Variants in MYOCD observed in about 807,000 individuals in gnomAD.
MYOCD encodes the protein myocardin.
Under a neutral mutation model 96.1 loss-of-function variants are expected in MYOCD, and 32 were observed. The ratio of observed to expected loss-of-function variants is 0.33; its 90% CI spans 0.25 to 0.45. MYOCD has a LOEUF of 0.45. MYOCD is among the 20% of genes least tolerant of loss of function. The pLI is 1.00. For missense variants in MYOCD, 1,133 were observed against 1,200.6 expected, an observed-to-expected ratio of 0.94 and a Z score of 0.83; for synonymous variants, 469 against 469.0, an observed-to-expected ratio of 1.00 and a Z score of 0.00.
At chr17:12,740,278 G>A (rs2032468629) in intron 7 of MYOCD, among the ~76,000 whole-genome samples, 1 of 152,144 alleles carries the variant, frequency 6.6e-6, no homozygotes, top group African/African-American at 2.4e-5. Context: ...CGTCACCTGA[G>A]CAGTGTACAC....
chr17:12,684,197 A>T (rs918879334), intron 1 of MYOCD, among the ~76,000 whole-genome samples: 4 of 151,308 alleles, frequency 2.6e-5, no homozygotes, highest in Non-Finnish European at 4.4e-5. Context: ...TCTTTTATTT[A>T]TTCCCAAGTG....
intron 9 of MYOCD, among the ~76,000 whole-genome samples, chr17:12,746,644 TAC>T (rs2032670451): frequency 1.3e-5 from 2 of 151,314 alleles, no homozygotes; most frequent in African/African-American, 4.9e-5. Context: ...TCCCTCTAGA[TAC>T]ACATGCTCAG....
chr17:12,763,350 A>C lies in MYOCD; in HGVS notation c.2667A>C (p.Gly889=). ...EEPHFDGIMD[G]FSGKAAEDLF... ...CTCACTTTGATGGGATAATGGATGG[A>C]TTCTCTGGGAAGGCTGCAGAAGACC... Residue 889 remains glycine, a synonymous_variant, in exon 14 of 14, where the codon GGA becomes GGC. Transcript: ENST00000425538. 6.2e-7 allele frequency: 1 copy of C among 1,600,448 alleles called. No homozygotes were observed. The highest frequency in any genetic ancestry group is 8.5e-7 in the Non-Finnish European group (1 of 1,173,362).
intron 2 of MYOCD, chr17:12,710,526 C>A (rs62058050): frequency 1.0e-6 from 1 of 984,898 alleles, no homozygotes; most frequent in African/African-American, 1.7e-5. Context: ...CACATACTTA[C>A]TGCAAAACCT....
At chr17:12,726,787 G>C (rs1255289588) in intron 5 of MYOCD, among the ~76,000 whole-genome samples, 6 of 152,216 alleles carry the variant, frequency 3.9e-5, no homozygotes, top group South Asian at 2.1e-4. Context: ...ATTTAAATAT[G>C]ATCATAATGA....
chr17:12,738,139 A>G (rs2032398355), intron 6 of MYOCD, among the ~76,000 whole-genome samples: 1 of 152,212 alleles, frequency 6.6e-6, no homozygotes. Flanking sequence ...GAGAACAAGC[A>G]CCGAACAATG....
In MYOCD at chr17:12,765,234, T is replaced by C. The variant is rs1433032878; in HGVS notation, c.*1590T>C. The C allele has an allele frequency of 6.6e-6, 1 of 152,118 alleles. No individual in the cohort carries two copies. The highest frequency in any genetic ancestry group is 2.4e-5 in the African/African-American group (1 of 41,416). 9.4% of individuals were successfully genotyped at this position (152,118 alleles called of 1,614,324 possible). ...GTGGCTCCAGTTCACCATTTTATAT[T>C]GTTGCATGCTGTAGAAAGGAGCTAT... On this transcript the variant is annotated 3_prime_UTR_variant, in exon 14 of 14. Transcript: ENST00000425538.
At chr17:12,687,138 G>A (rs979966427) in intron 1 of MYOCD, among the ~76,000 whole-genome samples, 4 of 152,014 alleles carry the variant, frequency 2.6e-5, no homozygotes, top group Admixed American at 2.0e-4. Flanking sequence ...GAGAGGTTTC[G>A]CTTTTGTTGT....
Position 12,763,230 on chromosome 17 carries a change from C to A in MYOCD, c.2547C>A (p.Thr849=), listed in dbSNP as rs1413811786. 1 of 1,614,106 alleles carries A rather than the reference C, an allele frequency of 6.2e-7. No individual in the cohort carries two copies. The highest frequency in any genetic ancestry group is 1.1e-5 in the South Asian group (1 of 91,068). The change falls in exon 14 of 14, where the codon ACC becomes ACA. Residue 849 remains threonine (T), a synonymous_variant. Coordinates refer to ENST00000425538, the MANE Select transcript of MYOCD (RefSeq NM_001146312.3). ...AGATCCCCTTTGATCCCTATGCCACCGACAGTGATGAGCATCTTGAAGTCT... is the reference window on the plus strand; with the variant it reads ...AGATCCCCTTTGATCCCTATGCCACAGACAGTGATGAGCATCTTGAAGTCT... ...GSQIPFDPYA[T]DSDEHLEVLL...
chr17:12,721,059 A>AG (rs1335935199), intron 4 of MYOCD, among the ~76,000 whole-genome samples: 4 of 149,778 alleles, frequency 2.7e-5, no homozygotes, highest in South Asian at 2.1e-4. Flanking sequence ...GACTCTAAGT[A>AG]GGGATTTTCC....
rs1276108723 is a variant in MYOCD, at chr17:12,695,952, T to G, written c.56-9176T>G. 3.3e-5 allele frequency among the ~76,000 whole-genome samples: 5 copies of G among 152,242 alleles called. No homozygotes were observed. In the South Asian group the frequency reaches 8.3e-4, roughly 25 times the overall value. ...TGGATTCATATAGTGTTTCTACTTTTGTAATTGGCTTATCTCACTCAGCAT... is the reference window on the plus strand; with the variant it reads ...TGGATTCATATAGTGTTTCTACTTTGGTAATTGGCTTATCTCACTCAGCAT... On this transcript the variant is annotated intron_variant, in intron 1 of 13. Transcript: ENST00000425538.
rs752460280 is a variant in MYOCD, at chr17:12,686,799, G to A, written c.56-18329G>A. Among the ~76,000 whole-genome samples the A allele has an allele frequency of 7.2e-5, 11 of 152,170 alleles. No individual in the cohort carries two copies. In the South Asian group the frequency reaches 8.3e-4, roughly 11 times the overall value. ...CCCACCACCATCTGCTGATGGAAAG[G>A]GAAGGGTTCCCTCTGCTGCTGTTGC... On this transcript the variant is annotated intron_variant, in intron 1 of 13. Transcript: ENST00000425538.
intron 5 of MYOCD, among the ~76,000 whole-genome samples, chr17:12,728,482 T>G (rs2032065320): frequency 6.6e-6 from 1 of 152,080 alleles, no homozygotes; most frequent in Non-Finnish European, 1.5e-5. Context: ...CAGGTTTTTT[T>G]GTTGTTGTTT....
At chr17:12,668,899 C>G (rs1172111666) in intron 1 of MYOCD, among the ~76,000 whole-genome samples, 1 of 151,920 alleles carries the variant, frequency 6.6e-6, no homozygotes, top group African/African-American at 2.4e-5. Flanking sequence ...GTGGGACCGG[C>G]GGTTGGTCAG....
intron 1 of MYOCD, among the ~76,000 whole-genome samples, chr17:12,691,212 T>G (rs1252693504): frequency 6.6e-6 from 1 of 152,182 alleles, no homozygotes; most frequent in Non-Finnish European, 1.5e-5. Flanking sequence ...AGGATTCTTC[T>G]CAAACTTTCC....
chr17:12,735,787 C>G (rs907937192), intron 5 of MYOCD, among the ~76,000 whole-genome samples: 9 of 152,290 alleles, frequency 5.9e-5, no homozygotes, highest in Admixed American at 5.9e-4. Flanking sequence ...CCGAGGGACA[C>G]GGGCGCATGC....
At chr17:12,704,852 G>C (rs1387003506) in intron 1 of MYOCD, 3 of 358,930 alleles carry the variant, frequency 8.4e-6, no homozygotes, top group Non-Finnish European at 1.5e-5. Flanking sequence ...AGAGTGTAGA[G>C]AGAGAGAGCA....
At chr17:12,748,023 C>T (rs1301080843) in intron 9 of MYOCD, among the ~76,000 whole-genome samples, 27 of 151,390 alleles carry the variant, frequency 1.8e-4, no homozygotes, top group Non-Finnish European at 3.4e-4. Context: ...ATTAGCTGGG[C>T]GTGGTGGTGC....
chr17:12,677,975 C>G (rs1910191901), intron 1 of MYOCD, among the ~76,000 whole-genome samples: 1 of 150,448 alleles, frequency 6.6e-6, no homozygotes, highest in Non-Finnish European at 1.5e-5. Flanking sequence ...TCACTGCAAC[C>G]TCCGCCTCCC....
Sources: gnomAD v4.1 joint callset for allele counts (sites outside exome capture counted in the v4.1 genomes callset) on GRCh38, gnomAD v4.1.1 for gene constraint, MANE v1.5 for transcripts, NCBI Gene and HGNC (gene_info 2026-07-23, HGNC 2026-07-21) for gene names.